The following NPC1 variants were observed in gnomAD, a reference collection of about 807,000 sequenced individuals.
NPC1 encodes the protein Niemann-Pick C1 protein.
A neutral mutation model predicts 140.4 loss-of-function variants in NPC1; 85 were observed. The observed-to-expected ratio is 0.61, with a 90% CI of 0.51 to 0.72. The LOEUF is 0.72. NPC1 is among the 30% of genes least tolerant of loss of function. The pLI, the probability that NPC1 is intolerant of heterozygous loss-of-function variation, is 0.00. For synonymous variants in NPC1, 656 were observed against 624.8 expected, an observed-to-expected ratio of 1.05 and a Z score of -0.74; for missense variants, 1,504 against 1,623.8, an observed-to-expected ratio of 0.93 and a Z score of 1.27.
chr18:23,569,791 T>C (rs2059176060), intron 3 of NPC1, among the ~76,000 whole-genome samples: 1 of 152,234 alleles, frequency 6.6e-6, no homozygotes, highest in Non-Finnish European at 1.5e-5. Context: ...GTTCTCTGGC[T>C]GCATGCACTT....
rs1468600723 is a variant in NPC1 at position 23,541,074 on chromosome 18, T to C, written c.2508A>G (p.Pro836=). The C allele has an allele frequency of 1.2e-6, 2 of 1,614,078 alleles. No homozygotes were observed. The highest frequency in any genetic ancestry group is 1.7e-6 in the Non-Finnish European group (2 of 1,180,036). ...SPLLLKDWMR[P]IVIAIFVGVL... is the part of the protein sequence containing the mutation. ...ACCACAGATAAGCGCATACCACAAT[T>C]GGTCTCATCCAGTCCTTTAGCAGAA... The change falls in exon 16 of 25, where the codon CCA becomes CCG. Residue 836 remains proline, a synonymous_variant. Transcript: ENST00000269228.
downstream of NPC1, among the ~76,000 whole-genome samples, chr18:23,517,859 A>G (rs1489394083): frequency 1.3e-5 from 2 of 152,180 alleles, no homozygotes; most frequent in African/African-American, 4.8e-5. Context: ...CTGGGACTAC[A>G]GGCGCATGCC....
At chr18:23,557,383 A>T (rs568491587) in intron 6 of NPC1, among the ~76,000 whole-genome samples, 193 bp from the exon 7 acceptor site, 1 of 152,318 alleles carries the variant, frequency 6.6e-6, no homozygotes, top group Non-Finnish European at 1.5e-5. Flanking sequence ...AAATTTAAGA[A>T]GATGTTAAGA....
chr18:23,525,435 A>T (rs140458201), downstream of NPC1, among the ~76,000 whole-genome samples: 2,382 of 151,262 alleles, frequency 0.016, 26 homozygotes, highest in South Asian at 0.034. Flanking sequence ...TAATAATAAT[A>T]ATTATTTTGA....
intron 10 of NPC1, among the ~76,000 whole-genome samples, chr18:23,550,175 C>G (rs972624345): frequency 8.6e-5 from 13 of 151,984 alleles, no homozygotes; most frequent in African/African-American, 3.1e-4. Flanking sequence ...CCATGCCCAG[C>G]TAATTTTTGT....
chr18:23,548,726 T>C (rs1469350509), intron 10 of NPC1, among the ~76,000 whole-genome samples: 1 of 152,218 alleles, frequency 6.6e-6, no homozygotes, highest in Non-Finnish European at 1.5e-5. Context: ...TTACTATAAA[T>C]AGCCTATAAA....
chr18:23,555,893 C>A (rs1434617189), intron 8 of NPC1, among the ~76,000 whole-genome samples: 1 of 152,182 alleles, frequency 6.6e-6, no homozygotes, highest in Non-Finnish European at 1.5e-5. Flanking sequence ...CAGTTACCAA[C>A]AGAAAACATT....
In NPC1 at chr18:23,541,341, C is replaced by T. The variant is rs193182840; in HGVS notation, c.2338G>A (p.Val780Met). 50 of 1,614,172 alleles carry T rather than the reference C, an allele frequency of 3.1e-5. 1 individual carries two copies. In the South Asian group the frequency reaches 4.4e-4, roughly 14 times the overall value. The change falls in exon 15 of 25, where the codon GTG becomes ATG. Residue 780 changes from valine to methionine, a missense_variant. Physicochemically the swap from Val to Met is conservative, Grantham distance 21. Transcript: ENST00000269228. ...IDFLLQITCFVSLLGLDIKRQ... is the reference protein window; with the variant it reads ...IDFLLQITCFMSLLGLDIKRQ... ...TTAATGTCTAACCCCAAGAGACTCA[C>T]GAAACAGGTAATCTGCAGAAGAAAG...
At chr18:23,575,236 C>T (rs1039566214) in intron 1 of NPC1, among the ~76,000 whole-genome samples, 4 of 152,214 alleles carry the variant, frequency 2.6e-5, no homozygotes, top group East Asian at 1.9e-4. Context: ...GCACTTGGTA[C>T]TATAGATGTG....
intron 6 of NPC1, among the ~76,000 whole-genome samples, chr18:23,558,770 G>T (rs141298100): frequency 2.6e-5 from 4 of 151,934 alleles, no homozygotes; most frequent in African/African-American, 9.7e-5. Flanking sequence ...TGTGCACAAC[G>T]TGCAGGTTTG....
downstream of NPC1, chr18:23,527,939 C>G: frequency 6.9e-7 from 1 of 1,458,792 alleles, no homozygotes; most frequent in African/African-American, 1.4e-5. Context: ...TCCTCCTCCC[C>G]CACCCCCTCC....
intron 23 of NPC1, 26 bp downstream of exon 23, chr18:23,534,420 G>C (rs551061747): frequency 4.7e-6 from 7 of 1,478,152 alleles, no homozygotes; most frequent in Non-Finnish European, 6.6e-6. Context: ...CGACTCTGCC[G>C]GCGTGGCCCT....
intron 9 of NPC1, among the ~76,000 whole-genome samples, chr18:23,554,080 T>C (rs1183799002): frequency 6.6e-6 from 1 of 152,144 alleles, no homozygotes; most frequent in African/African-American, 2.4e-5. Flanking sequence ...CACTCCTCAA[T>C]CACACACCAC....
At chr18:23,537,271 C>T (rs2058646140) in intron 20 of NPC1, among the ~76,000 whole-genome samples, 3 of 152,150 alleles carry the variant, frequency 2.0e-5, no homozygotes, top group African/African-American at 2.4e-5. Flanking sequence ...AGGGTTTTGC[C>T]ATGTTGGCCT....
At chr18:23,586,118 G>A (rs996312135) in intron 1 of NPC1, among the ~76,000 whole-genome samples, 169 bp downstream of exon 1, 2 of 152,234 alleles carry the variant, frequency 1.3e-5, no homozygotes, top group African/African-American at 4.8e-5. Context: ...ACAGGAAAGA[G>A]AGCGTGGCCG....
At position 23,560,491 on chromosome 18, in the gene NPC1, G is replaced by T. The variant is rs745647675; in HGVS notation, c.632-11C>A. 1 of 1,613,726 alleles carries T rather than the reference G, an allele frequency of 6.2e-7. No individual in the cohort carries two copies. The highest frequency in any genetic ancestry group is 1.7e-5 in the Admixed American group (1 of 60,008). On this transcript the variant is annotated splice_polypyrimidine_tract_variant and intron_variant, in intron 5 of 24. Transcript: ENST00000269228. ...CATGGACTGGAAAATCTACAGAAAG[G>T]AATTGTGTTGAGTACAAATCTCAAT...
At chr18:23,535,430 CAG>C in intron 22 of NPC1, 37 bp downstream of exon 22, 1 of 1,421,140 alleles carries the variant, frequency 7.0e-7, no homozygotes, top group Non-Finnish European at 9.8e-7. Flanking sequence ...CCAAGTGAAA[CAG>C]GAGCTAGGGA....
chr18:23,536,023 T>C (rs1182194497), intron 21 of NPC1, among the ~76,000 whole-genome samples: 2 of 152,214 alleles, frequency 1.3e-5, no homozygotes, highest in Admixed American at 6.5e-5. Context: ...CAAAGAATCC[T>C]GATCTATCCT....
At chr18:23,519,213 T>G, downstream of NPC1, 1 of 1,577,178 alleles carries the variant, frequency 6.3e-7, no homozygotes, top group Non-Finnish European at 8.7e-7. Flanking sequence ...TTAAGGTTGC[T>G]TAAAAGCCTT....
Sources: allele counts gnomAD v4.1 joint callset (sites outside exome capture counted in the v4.1 genomes callset), GRCh38; gene constraint gnomAD v4.1.1; transcripts MANE v1.5; gene names NCBI Gene and HGNC (gene_info 2026-07-23, HGNC 2026-07-21).